IL11: variants seen among roughly 807,000 people sequenced by gnomAD.
The protein encoded by IL11 is interleukin 11, also known as interleukin-11.
IL11 carries 17 observed loss-of-function variants against 18.1 expected under a neutral mutation model. The ratio of observed to expected loss-of-function variants is 0.94; its 90% CI spans 0.64 to 1.41. IL11 has a LOEUF of 1.41. Ranked by LOEUF, IL11 falls within the 40% of genes most tolerant of loss-of-function variation. The probability of loss-of-function intolerance (pLI) is 0.00; values close to 1 mark genes in which losing one functional copy is unlikely to be tolerated. For synonymous variants in IL11, 144 were observed against 134.1 expected (o/e 1.07, Z -0.51); for missense variants, 309 against 262.8 (o/e 1.18, Z -1.22).
At chr19:55,368,673 G>A (rs2089801858) in intron 2 of IL11, 96 bp downstream of exon 2, 1 of 1,489,516 alleles carries the variant, frequency 6.7e-7, no homozygotes, top group Non-Finnish European at 9.1e-7. Flanking sequence ...TCTGCCACCT[G>A]AGAGCCCAGA....
Position 55,364,624 on chromosome 19 carries a change from T to C in IL11, c.*1383A>G, listed in dbSNP as rs914036458. On this transcript the variant is annotated 3_prime_UTR_variant, in exon 5 of 5. Coordinates refer to ENST00000264563, the MANE Select transcript of IL11 (RefSeq NM_000641.4). The stretch of plus-strand genomic sequence containing the variant: ...AAATTGGGATCACAGCATGCAGTGG[T>C]TTTGTAGCCTGCTGTTTCATGTCAG... The C allele has an allele frequency of 2.0e-5, 3 of 152,162 alleles. No individual in the cohort carries two copies. Among genetic ancestry groups the C allele is most frequent in the East Asian group, 3.9e-4 (2 of 5,190 alleles). The allele number at this position is 152,162 out of a possible 1,614,324, so 9.4% of individuals were successfully genotyped here.
Position 55,365,938 on chromosome 19 carries a change from C to G in IL11, c.*69G>C. 6.5e-7 allele frequency: 1 copy of G among 1,546,960 alleles called. No individual in the cohort carries two copies. On this transcript the variant is annotated 3_prime_UTR_variant, in exon 5 of 5. Transcript: ENST00000264563. ...GGGGGGATCACCTGGCTGTTTCGCC[C>G]CCAGTACTGAAATAAATAAATAAAT...
chr19:55,370,335 C>T lies in IL11; in HGVS notation c.-25G>A. On this transcript the variant is annotated 5_prime_UTR_variant, in exon 1 of 5. Transcript: ENST00000264563. The stretch of plus-strand genomic sequence containing the variant: ...TGTCCCCACAGGGCCAGGGGTTCCC[C>T]AGGGCAGGGGGCAGGGAGCCGGGGG... 3 of 1,428,340 alleles carry T rather than the reference C, an allele frequency of 2.1e-6. No individual in the cohort carries two copies. The highest frequency in any genetic ancestry group is 2.8e-6 in the Non-Finnish European group (3 of 1,080,280). 88.5% of individuals were successfully genotyped at this position (1,428,340 alleles called of 1,614,324 possible).
rs2089781365 is a variant in IL11 at position 55,365,812 on chromosome 19, T to G, written c.*195A>C. The G allele has an allele frequency of 1.2e-6, 1 of 868,074 alleles. No homozygotes were observed. The highest frequency in any genetic ancestry group is 1.8e-5 in the African/African-American group (1 of 56,422). The allele number at this position is 868,074 out of a possible 1,614,324, so 53.8% of individuals were successfully genotyped here. A position where few individuals can be genotyped will look rare whatever the true frequency, so the allele number is the denominator to read the frequency against. ...CTCCTCGGGGACCCAGGAGTCCACCTGCCTCCCACCCCTGCTCCTGAAATA... is the reference window on the plus strand; with the variant it reads ...CTCCTCGGGGACCCAGGAGTCCACCGGCCTCCCACCCCTGCTCCTGAAATA... On this transcript the variant is annotated 3_prime_UTR_variant, in exon 5 of 5. Transcript: ENST00000264563.
chr19:55,366,470 G>A lies in IL11; in HGVS notation c.430-293C>T, dbSNP rs911870313. ...CGGGCCTGGGACTGTTAGAGTCGCC[G>A]GGGCTGGAATCTCAGAGCTGGGTTT... On this transcript the variant is annotated intron_variant, in intron 4 of 4. Coordinates refer to ENST00000264563, the MANE Select transcript of IL11 (RefSeq NM_000641.4). The surrounding 1 kb of genome is among the most constrained non-coding windows in gnomAD (Gnocchi z 4.6). 5.3e-5 allele frequency among the ~76,000 whole-genome samples: 8 copies of A among 151,990 alleles called. No homozygotes were observed. Among genetic ancestry groups the A allele is most frequent in the African/African-American group, 1.5e-4 (6 of 41,360 alleles).
At position 55,369,766 on chromosome 19, in the gene IL11, G is replaced by T. The variant is rs981185592; in HGVS notation, c.7+538C>A. The stretch of plus-strand genomic sequence containing the variant: ...CGCACACCCCCAGCCCGCCCCCCGG[G>T]CCCGCCAGCCGTCGGTCTGTCCGCG... On this transcript the variant is annotated intron_variant, in intron 1 of 4. Transcript: ENST00000264563. This position sits in a 1 kb window ranked among gnomAD's most constrained non-coding sequence, Gnocchi z 6.1. Among the ~76,000 whole-genome samples the T allele has an allele frequency of 3.3e-5, 5 of 150,286 alleles. No individual in the cohort carries two copies. The highest frequency in any genetic ancestry group is 3.3e-4 in the Admixed American group (5 of 15,160).
chr19:55,370,393 G>C lies in IL11; in HGVS notation c.-83C>G. ...CCCTTCCCTGTCCGCTGCCGGGGGA[G>C]CCCCGAGGGTCAGCTGGGCCGCGGC... is the stretch of plus-strand genomic sequence containing the variant. On this transcript the variant is annotated 5_prime_UTR_variant, in exon 1 of 5. Coordinates refer to ENST00000264563, the MANE Select transcript of IL11 (RefSeq NM_000641.4). The C allele has an allele frequency of 8.0e-7, 1 of 1,246,822 alleles. No individual in the cohort carries two copies. Among genetic ancestry groups the C allele is most frequent in the Non-Finnish European group, 1.1e-6 (1 of 950,692 alleles). The allele number at this position is 1,246,822 out of a possible 1,614,324, so 77.2% of individuals were successfully genotyped here. A position where few individuals can be genotyped will look rare whatever the true frequency, so the allele number is the denominator to read the frequency against.
rs2089816017 is a variant in IL11, at chr19:55,370,434, A to G, written c.-124T>C. ...GGGCCGCGGCCTGGGGAGGGGAGGCATGTGCCCTGAGCAGCAGGGCCGCGG... is the reference window on the plus strand; with the variant it reads ...GGGCCGCGGCCTGGGGAGGGGAGGCGTGTGCCCTGAGCAGCAGGGCCGCGG... On this transcript the variant is annotated 5_prime_UTR_variant, in exon 1 of 5. It removes an upstream start codon present in the reference 5' UTR. Transcript: ENST00000264563. 1 of 478,390 alleles carries G rather than the reference A, an allele frequency of 2.1e-6. No individual in the cohort carries two copies. The highest frequency in any genetic ancestry group is 3.3e-5 in the South Asian group (1 of 29,948). 29.6% of individuals were successfully genotyped at this position (478,390 alleles called of 1,614,324 possible).
At position 55,368,819 on chromosome 19, in the gene IL11, GCACGGTGCTGTCC is replaced by G; in HGVS notation, c.117_129del (p.Asp40SerfsTer2). The G allele has an allele frequency of 6.3e-7, 1 of 1,593,146 alleles. No individual in the cohort carries two copies. The highest frequency in any genetic ancestry group is 8.5e-7 in the Non-Finnish European group (1 of 1,170,724). On this transcript the variant is annotated frameshift_variant, in exon 2 of 5. Coordinates refer to ENST00000264563, the MANE Select transcript of IL11 (RefSeq NM_000641.4). LOFTEE classifies it high-confidence loss of function. ...TCCGCCAGGAGAGAGCGGGTCAGGA[GCACGGTGCTGTCC>G]AGCTCGGCCCGAGGGTCTGGGGAAA...
intron 4 of IL11, 143 bp downstream of exon 4, chr19:55,368,067 A>G (rs2089796482): frequency 2.9e-6 from 2 of 679,210 alleles, no homozygotes; most frequent in South Asian, 3.8e-5. Context: ...TCAGGGTCTC[A>G]GAGCGGGCTG....
rs2089815001 is a variant in IL11 at position 55,370,339 on chromosome 19, G to A, written c.-29C>T. On this transcript the variant is annotated 5_prime_UTR_variant, in exon 1 of 5. Transcript: ENST00000264563. ...CCCACAGGGCCAGGGGTTCCCCAGG[G>A]CAGGGGGCAGGGAGCCGGGGGCCTT... 2.1e-6 allele frequency: 3 copies of A among 1,411,936 alleles called. No individual in the cohort carries two copies. In the South Asian group the frequency reaches 4.6e-5, roughly 22 times the overall value. The allele number at this position is 1,411,936 out of a possible 1,614,324, so 87.5% of individuals were successfully genotyped here.
rs1162885062 is a variant in IL11, at chr19:55,366,744, G to A, written c.430-567C>T. Among the ~76,000 whole-genome samples the A allele has an allele frequency of 1.3e-5, 2 of 152,094 alleles. No individual in the cohort carries two copies. The highest frequency in any genetic ancestry group is 2.4e-5 in the African/African-American group (1 of 41,402). On this transcript the variant is annotated intron_variant, in intron 4 of 4. Coordinates refer to ENST00000264563, the MANE Select transcript of IL11 (RefSeq NM_000641.4). The surrounding 1 kb of genome is among the most constrained non-coding windows in gnomAD (Gnocchi z 4.6). ...GGAGAATCGCTTGAGCCCAGGAGGC[G>A]GAGGTTCCAGCGAGCCGAAATGGCA...
At position 55,365,784 on chromosome 19, in the gene IL11, C is replaced by T. The variant is rs180741776; in HGVS notation, c.*223G>A. ...CCCAAGAATCCGGGACCCCAGTCCCCTCCTCCTCGGGGACCCAGGAGTCCA... is the reference window on the plus strand; with the variant it reads ...CCCAAGAATCCGGGACCCCAGTCCCTTCCTCCTCGGGGACCCAGGAGTCCA... On this transcript the variant is annotated 3_prime_UTR_variant, in exon 5 of 5. Coordinates refer to ENST00000264563, the MANE Select transcript of IL11 (RefSeq NM_000641.4). 1.1e-5 allele frequency: 7 copies of T among 632,652 alleles called. No homozygotes were observed. The Admixed American group carries it at 2.1e-4, about 19-fold the overall frequency. The allele number at this position is 632,652 out of a possible 1,614,324, so 39.2% of individuals were successfully genotyped here.
rs1273360950 is a variant in IL11, at chr19:55,366,792, A to G, written c.430-615T>C. On this transcript the variant is annotated intron_variant, in intron 4 of 4. Coordinates refer to ENST00000264563, the MANE Select transcript of IL11 (RefSeq NM_000641.4). This position sits in a 1 kb window ranked among gnomAD's most constrained non-coding sequence, Gnocchi z 4.6. Reference sequence around the variant, plus strand: ...GCACCATTGCACTCTAGCCTGGGCAACAGAGCGCGAGACTCTGTCTCCAAA... The same window carrying G: ...GCACCATTGCACTCTAGCCTGGGCAGCAGAGCGCGAGACTCTGTCTCCAAA... 6.6e-6 allele frequency among the ~76,000 whole-genome samples: 1 copy of G among 152,150 alleles called. No homozygotes were observed. The highest frequency in any genetic ancestry group is 1.5e-5 in the Non-Finnish European group (1 of 68,030).
chr19:55,369,423 C>T lies in IL11; in HGVS notation c.8-482G>A, dbSNP rs1232098695. On this transcript the variant is annotated intron_variant, in intron 1 of 4. Transcript: ENST00000264563. This position sits in a 1 kb window ranked among gnomAD's most constrained non-coding sequence, Gnocchi z 6.1. ...CCTCCCCGGGCCGCGGGAGCCCGAGCTGGCTGGGAGCAGGGGAAGGAGCCA... is the reference window on the plus strand; with the variant it reads ...CCTCCCCGGGCCGCGGGAGCCCGAGTTGGCTGGGAGCAGGGGAAGGAGCCA... 6.6e-6 allele frequency among the ~76,000 whole-genome samples: 1 copy of T among 150,930 alleles called. No homozygotes were observed. The highest frequency in any genetic ancestry group is 6.6e-5 in the Admixed American group (1 of 15,250).
In IL11 at chr19:55,366,446, G is replaced by A. The variant is rs567294174; in HGVS notation, c.430-269C>T. On this transcript the variant is annotated intron_variant, in intron 4 of 4. Transcript: ENST00000264563. This position sits in a 1 kb window ranked among gnomAD's most constrained non-coding sequence, Gnocchi z 4.6. ...GCATCTCGGTTCTAGGTGAGGGATCGGGCCTGGGACTGTTAGAGTCGCCGG... is the reference window on the plus strand; with the variant it reads ...GCATCTCGGTTCTAGGTGAGGGATCAGGCCTGGGACTGTTAGAGTCGCCGG... Among the ~76,000 whole-genome samples, 598 of 152,108 alleles carry A rather than the reference G, an allele frequency of 3.9e-3. 1 individual carries two copies. The highest frequency in any genetic ancestry group is 0.014 in the African/African-American group (566 of 41,480).
chr19:55,366,234 C>T lies in IL11; in HGVS notation c.430-57G>A. On this transcript the variant is annotated intron_variant, in intron 4 of 4. Coordinates refer to ENST00000264563, the MANE Select transcript of IL11 (RefSeq NM_000641.4). This position sits in a 1 kb window ranked among gnomAD's most constrained non-coding sequence, Gnocchi z 4.6. The stretch of plus-strand genomic sequence containing the variant: ...TAGGGGGTGCAGCGGGGGTGCAGGG[C>T]AGGGGTGCTGTGGAGCTGCAGCTGA... 7.0e-7 allele frequency: 1 copy of T among 1,430,784 alleles called. No individual in the cohort carries two copies. Among genetic ancestry groups the T allele is most frequent in the Non-Finnish European group, 9.2e-7 (1 of 1,090,756 alleles). The allele number at this position is 1,430,784 out of a possible 1,614,324, so 88.6% of individuals were successfully genotyped here. A position where few individuals can be genotyped will look rare whatever the true frequency, so the allele number is the denominator to read the frequency against.
Position 55,366,187 on chromosome 19 carries a change from G to C in IL11, c.430-10C>G. On this transcript the variant is annotated splice_polypyrimidine_tract_variant and intron_variant, in intron 4 of 4. Coordinates refer to ENST00000264563, the MANE Select transcript of IL11 (RefSeq NM_000641.4). This position sits in a 1 kb window ranked among gnomAD's most constrained non-coding sequence, Gnocchi z 4.6. ...GGGCCAGGCGGGACATCTGTGGGGA[G>C]AGGAGAGAGGTGAGTCACAGGTAGG... 1 of 1,474,000 alleles carries C rather than the reference G, an allele frequency of 6.8e-7. No individual in the cohort carries two copies. The highest frequency in any genetic ancestry group is 9.0e-7 in the Non-Finnish European group (1 of 1,111,956). 91.3% of individuals were successfully genotyped at this position (1,474,000 alleles called of 1,614,324 possible). A position where few individuals can be genotyped will look rare whatever the true frequency, so the allele number is the denominator to read the frequency against.
At position 55,366,066 on chromosome 19, in the gene IL11, GC is replaced by G. The variant is rs768878885; in HGVS notation, c.540del (p.Leu181CysfsTer3). The G allele has an allele frequency of 5.0e-6, 8 of 1,599,568 alleles. No individual in the cohort carries two copies. The highest frequency in any genetic ancestry group is 1.1e-5 in the South Asian group (1 of 88,576). On this transcript the variant is annotated frameshift_variant, in exon 5 of 5. Coordinates refer to ENST00000264563, the MANE Select transcript of IL11 (RefSeq NM_000641.4). LOFTEE classifies it high-confidence loss of function. The surrounding 1 kb of genome is among the most constrained non-coding windows in gnomAD (Gnocchi z 4.6). ...GIRAAHAILG[G>X]LHLTLDWAVR... ...ACGGCCCAGTCAAGTGTCAGGTGCA[GC>G]CCCCCCAGGATGGCGTGGGCGGCCC...
Sources: gnomAD v4.1 joint callset for allele counts (sites outside exome capture counted in the v4.1 genomes callset) on GRCh38, gnomAD v4.1.1 for gene constraint, Gnocchi (gnomAD v3.1) non-coding constraint, MANE v1.5 for transcripts, NCBI Gene and HGNC (gene_info 2026-07-23, HGNC 2026-07-21) for gene names.